ATG7: variants seen among roughly 807,000 people sequenced by gnomAD.
ATG7 encodes the protein autophagy related 7.
In ATG7, 70 loss-of-function variants were observed where a neutral mutation model predicts 82.4. That is an observed-to-expected ratio of 0.85 (90% CI 0.70 to 1.04). The LOEUF (loss-of-function observed/expected upper bound fraction) is 1.04, where lower values mean the gene tolerates loss of function less well. ATG7 is among the 50% of genes least tolerant of loss of function. ATG7 has a pLI of 0.00. For synonymous variants in ATG7, 287 were observed against 313.0 expected (o/e 0.92, Z 0.88); for missense variants, 792 against 864.3 (o/e 0.92, Z 1.05).
intron 20 of ATG7, among the ~76,000 whole-genome samples, chr3:11,472,425 T>C (rs1034167280): frequency 1.3e-5 from 2 of 148,728 alleles, no homozygotes; most frequent in African/African-American, 5.2e-5. Flanking sequence ...ACCCTGTCAC[T>C]ATGGTAGAGG....
intron 20 of ATG7, among the ~76,000 whole-genome samples, chr3:11,502,358 A>G (rs1347203675): frequency 6.0e-4 from 80 of 134,180 alleles, no homozygotes; most frequent in African/African-American, 2.0e-3. Flanking sequence ...ATATCTCCCA[A>G]TGCTATCCCT....
chr3:11,295,360 A>G (rs1945700464), intron 3 of ATG7, among the ~76,000 whole-genome samples: 1 of 152,130 alleles, frequency 6.6e-6, no homozygotes, highest in African/African-American at 2.4e-5. Flanking sequence ...TCTTTCATTC[A>G]TTCAAAATTG....
chr3:11,372,471 CAT>C (rs1183504626), intron 18 of ATG7, among the ~76,000 whole-genome samples: 3 of 150,570 alleles, frequency 2.0e-5, no homozygotes, highest in Non-Finnish European at 3.0e-5. Context: ...TTTTTCAAGA[CAT>C]AACTGATATA....
rs112048710 is a variant in ATG7 at position 11,352,300 on chromosome 3, C to T, written c.1284+4265C>T. On this transcript the variant is annotated intron_variant, in intron 14 of 20. Transcript: ENST00000693202. The stretch of plus-strand genomic sequence containing the variant: ...AAGTCTTTGCTATTGTGAATAGTGC[C>T]GCAATAAACATATGTGTGCATGTGT... Among the ~76,000 whole-genome samples, 94 of 152,094 alleles carry T rather than the reference C, an allele frequency of 6.2e-4. 1 individual carries two copies. The highest frequency in any genetic ancestry group is 2.1e-3 in the African/African-American group (85 of 41,456).
intron 20 of ATG7, among the ~76,000 whole-genome samples, chr3:11,538,161 G>A (rs1250140209): frequency 2.6e-5 from 4 of 152,226 alleles, no homozygotes; most frequent in Non-Finnish European, 5.9e-5. Flanking sequence ...GAGGCAAGTG[G>A]TCAGAGAGAG....
intron 3 of ATG7, among the ~76,000 whole-genome samples, chr3:11,287,022 C>G (rs932643593): frequency 1.3e-5 from 2 of 152,118 alleles, no homozygotes; most frequent in African/African-American, 2.4e-5. Flanking sequence ...CTGCCTCAGC[C>G]TTCCGAAGTG....
chr3:11,335,227 G>T (rs1225329488), intron 11 of ATG7, among the ~76,000 whole-genome samples: 1 of 151,852 alleles, frequency 6.6e-6, no homozygotes, highest in African/African-American at 2.4e-5. Flanking sequence ...AATAGCTCCT[G>T]TGTAATGTTA....
intron 20 of ATG7, among the ~76,000 whole-genome samples, chr3:11,553,754 CTGGGAGCTGGGTCCTCA>C (rs1316958679): frequency 5.3e-5 from 8 of 152,228 alleles, no homozygotes; most frequent in African/African-American, 1.9e-4. Flanking sequence ...TCCCCTCAGC[CTGGGAGCTGGGTCCTCA>C]GGAGAGAGGA....
At chr3:11,292,878 G>T (rs1336282968) in intron 3 of ATG7, among the ~76,000 whole-genome samples, 1 of 152,126 alleles carries the variant, frequency 6.6e-6, no homozygotes, top group East Asian at 1.9e-4. Context: ...AACAACCCTT[G>T]CTGCTGTGCC....
chr3:11,329,715 A>T (rs1010926016), intron 9 of ATG7, among the ~76,000 whole-genome samples: 1 of 152,222 alleles, frequency 6.6e-6, no homozygotes, highest in East Asian at 1.9e-4. Flanking sequence ...GAGAATTCCC[A>T]TGTACCTTCA....
At chr3:11,335,847 G>T (rs1952374487) in intron 11 of ATG7, among the ~76,000 whole-genome samples, 1 of 152,030 alleles carries the variant, frequency 6.6e-6, no homozygotes, top group Non-Finnish European at 1.5e-5. Flanking sequence ...ACAGTCGCGT[G>T]CCACCACGCC....
rs373804518 is a variant in ATG7 at position 11,554,127 on chromosome 3, G to A, written c.2080-684G>A. Among the ~76,000 whole-genome samples, 22 of 152,314 alleles carry A rather than the reference G, an allele frequency of 1.4e-4. No individual in the cohort carries two copies. In the South Asian group the frequency reaches 4.4e-3, roughly 30 times the overall value. On this transcript the variant is annotated intron_variant, in intron 20 of 20. Transcript: ENST00000693202. ...TGTCGGCCAGGGTGGCTCTTGCTGG[G>A]TCCCTCAGTTCTCCTCACAGCCACG...
chr3:11,332,308 T>C (rs1951766760), intron 10 of ATG7, among the ~76,000 whole-genome samples: 1 of 152,214 alleles, frequency 6.6e-6, no homozygotes, highest in Non-Finnish European at 1.5e-5. Context: ...TGATTCCATT[T>C]ATGTAAAGTT....
chr3:11,456,452 A>G (rs993023428), intron 20 of ATG7, among the ~76,000 whole-genome samples: 1 of 152,204 alleles, frequency 6.6e-6, no homozygotes, highest in African/African-American at 2.4e-5. Context: ...ACATTCGTGT[A>G]CAAGTTGTTG....
intron 20 of ATG7, among the ~76,000 whole-genome samples, chr3:11,553,938 C>A (rs2072102392): frequency 6.6e-6 from 1 of 152,196 alleles, no homozygotes. Flanking sequence ...CTTTTGCAAC[C>A]AATTCTAGGA....
At chr3:11,509,281 G>A (rs1213560682) in intron 20 of ATG7, among the ~76,000 whole-genome samples, 1 of 152,186 alleles carries the variant, frequency 6.6e-6, no homozygotes, top group South Asian at 2.1e-4. Flanking sequence ...GGAGGGAGCC[G>A]AGCTGTTCCC....
At chr3:11,570,065 C>A in the ATG7 span, among the ~76,000 whole-genome samples, 1 of 152,132 alleles carries the variant, frequency 6.6e-6, no homozygotes, top group Non-Finnish European at 1.5e-5. Flanking sequence ...TCCTCCCAAC[C>A]TTTACCTGCT....
rs1425718849 is a variant in ATG7, at chr3:11,420,428, C to T, written c.1957-6376C>T. Among the ~76,000 whole-genome samples, 4 of 152,060 alleles carry T rather than the reference C, an allele frequency of 2.6e-5. No homozygotes were observed. In the East Asian group the frequency reaches 7.7e-4, roughly 29 times the overall value. ...AGCACTATAAAATTATCTGTGGAAA[C>T]ATACAATCTGAATGTTTAACTGGAG... On this transcript the variant is annotated intron_variant, in intron 19 of 20. Coordinates refer to ENST00000693202, the MANE Select transcript of ATG7 (RefSeq NM_001349232.2).
At chr3:11,438,703 A>G (rs997119430) in intron 20 of ATG7, among the ~76,000 whole-genome samples, 7 of 152,210 alleles carry the variant, frequency 4.6e-5, no homozygotes, top group Admixed American at 4.6e-4. Flanking sequence ...ATTATTAAAA[A>G]AATTAGGCAA....
Sources: gnomAD v4.1 joint callset for allele counts (sites outside exome capture counted in the v4.1 genomes callset) on GRCh38, gnomAD v4.1.1 for gene constraint, MANE v1.5 for transcripts, NCBI Gene and HGNC (gene_info 2026-07-23, HGNC 2026-07-21) for gene names.